Variants in SLC24A2 observed in about 807,000 individuals in gnomAD.
SLC24A2 encodes solute carrier family 24 member 2.
In SLC24A2, 36 loss-of-function variants were observed where a neutral mutation model predicts 62.0. The observed-to-expected ratio is 0.58, with a 90% CI of 0.44 to 0.77. The LOEUF (loss-of-function observed/expected upper bound fraction) is 0.77, where lower values mean the gene tolerates loss of function less well. Among genes scored for constraint, SLC24A2 ranks in the 30% least tolerant of loss-of-function variants. The pLI, the probability that SLC24A2 is intolerant of heterozygous loss-of-function variation, is 0.00. For missense variants in SLC24A2, 846 were observed against 817.9 expected, an observed-to-expected ratio of 1.03 and a Z score of -0.42; for synonymous variants, 358 against 294.0, an observed-to-expected ratio of 1.22 and a Z score of -2.23.
the SLC24A2 span, among the ~76,000 whole-genome samples, chr9:20,117,606 C>G: frequency 6.6e-5 from 10 of 152,104 alleles, no homozygotes; most frequent in African/African-American, 2.4e-4. Context: ...TAACAAAGTA[C>G]TTATTATGTT....
chr9:20,072,032 G>A, the SLC24A2 span, among the ~76,000 whole-genome samples: 7 of 152,214 alleles, frequency 4.6e-5, no homozygotes, highest in South Asian at 1.2e-3. Flanking sequence ...GGCTTAGGGT[G>A]TGCCACCCTC....
the SLC24A2 span, among the ~76,000 whole-genome samples, chr9:20,047,914 A>G: frequency 6.6e-6 from 1 of 151,990 alleles, no homozygotes; most frequent in Non-Finnish European, 1.5e-5. Flanking sequence ...TTAGTAGTAG[A>G]TAGATAATAG....
the SLC24A2 span, among the ~76,000 whole-genome samples, chr9:20,259,080 A>G: frequency 1.3e-5 from 2 of 152,258 alleles, no homozygotes; most frequent in South Asian, 2.1e-4. Flanking sequence ...GAGATGCAAC[A>G]TTGCTGGCTT....
chr9:20,101,236 G>C, the SLC24A2 span, among the ~76,000 whole-genome samples: 6 of 152,188 alleles, frequency 3.9e-5, no homozygotes, highest in Non-Finnish European at 8.8e-5. Flanking sequence ...CGATGCCCTG[G>C]GCAGGCAGAG....
At chr9:20,091,408 T>A in the SLC24A2 span, among the ~76,000 whole-genome samples, 3 of 151,958 alleles carry the variant, frequency 2.0e-5, no homozygotes, top group African/African-American at 7.3e-5. Flanking sequence ...TATAATCAGA[T>A]TTTCCAAGGC....
At chr9:19,516,445 G>C (rs578065355) in intron 10 of SLC24A2, 43 bp from the exon 11 acceptor site, 3 of 1,608,720 alleles carry the variant, frequency 1.9e-6, no homozygotes, top group East Asian at 4.5e-5. Flanking sequence ...GGGAAGACAA[G>C]GGAGTAGTCA....
the SLC24A2 span, among the ~76,000 whole-genome samples, chr9:20,291,208 G>C: frequency 1.3e-5 from 2 of 152,066 alleles, no homozygotes; most frequent in African/African-American, 4.8e-5. Flanking sequence ...ATATGGACGT[G>C]GAAAACACAG....
At chr9:20,069,517 G>A in the SLC24A2 span, among the ~76,000 whole-genome samples, 2 of 152,136 alleles carry the variant, frequency 1.3e-5, no homozygotes, top group East Asian at 3.9e-4. Context: ...TTACAATGCA[G>A]GTCAACAAAC....
At chr9:19,519,871 G>A (rs973539075) in intron 10 of SLC24A2, among the ~76,000 whole-genome samples, 7 of 151,722 alleles carry the variant, frequency 4.6e-5, no homozygotes, top group African/African-American at 1.7e-4. Context: ...TCACAGCAGA[G>A]TTTTATGCAC....
rs1321510610 is a variant in SLC24A2 at position 19,647,072 on chromosome 9, A to G, written c.931-24773T>C. On this transcript the variant is annotated intron_variant, in intron 2 of 10. Coordinates refer to ENST00000341998, the MANE Select transcript of SLC24A2 (RefSeq NM_020344.4). Reference sequence around the variant, plus strand: ...TCCACACACACACACACGCGCGCACACACACACACACACACACACACACAC... The same window carrying G: ...TCCACACACACACACACGCGCGCACGCACACACACACACACACACACACAC... Among the ~76,000 whole-genome samples, 257 of 105,628 alleles carry G rather than the reference A, an allele frequency of 2.4e-3. 4 individuals are homozygous for G. The highest frequency in any genetic ancestry group is 4.2e-3 in the Non-Finnish European group (171 of 40,786). The allele number at this position is 105,628 out of a possible 152,430, so 69.3% of individuals were successfully genotyped here. A position where few individuals can be genotyped will look rare whatever the true frequency, so the allele number is the denominator to read the frequency against.
At chr9:20,046,882 C>T in the SLC24A2 span, among the ~76,000 whole-genome samples, 1 of 152,026 alleles carries the variant, frequency 6.6e-6, no homozygotes, top group Non-Finnish European at 1.5e-5. Flanking sequence ...CCAGGTACTG[C>T]TTCTTTCTAT....
At chr9:19,764,431 G>C (rs550421449) in intron 2 of SLC24A2, among the ~76,000 whole-genome samples, 2 of 152,236 alleles carry the variant, frequency 1.3e-5, no homozygotes, top group East Asian at 3.9e-4. Flanking sequence ...TTTCTCCTGT[G>C]GGCATTTAGT....
intron 2 of SLC24A2, among the ~76,000 whole-genome samples, chr9:19,718,290 T>G (rs1820920794): frequency 8.3e-6 from 1 of 120,148 alleles, no homozygotes; most frequent in African/African-American, 3.3e-5. Context: ...AACACTTTTT[T>G]TTTTTTTTTT....
the SLC24A2 span, among the ~76,000 whole-genome samples, chr9:19,870,332 T>C: frequency 2.0e-5 from 3 of 152,212 alleles, no homozygotes; most frequent in African/African-American, 7.2e-5. Flanking sequence ...TCATCCATGT[T>C]ATAGCATGTA....
At chr9:19,649,467 G>A (rs903237691) in intron 2 of SLC24A2, among the ~76,000 whole-genome samples, 4 of 152,192 alleles carry the variant, frequency 2.6e-5, no homozygotes, top group Admixed American at 2.0e-4. Context: ...ATATGTTCAT[G>A]ATAGGGGTGG....
the SLC24A2 span, among the ~76,000 whole-genome samples, chr9:20,067,370 G>A: frequency 2.0e-5 from 3 of 152,150 alleles, no homozygotes; most frequent in African/African-American, 7.2e-5. Flanking sequence ...TTCATATTCT[G>A]TGGTGACCAT....
the SLC24A2 span, among the ~76,000 whole-genome samples, chr9:19,911,240 C>T: frequency 6.6e-6 from 1 of 152,066 alleles, no homozygotes; most frequent in Non-Finnish European, 1.5e-5. Flanking sequence ...CTACAAAGGA[C>T]ATGAACTCAT....
intron 2 of SLC24A2, among the ~76,000 whole-genome samples, chr9:19,724,883 A>C (rs368853964): frequency 1.1e-4 from 17 of 152,324 alleles, no homozygotes; most frequent in African/African-American, 3.8e-4. Flanking sequence ...AGGGAGACTA[A>C]TAAGCAAACT....
At chr9:20,039,977 G>A in the SLC24A2 span, among the ~76,000 whole-genome samples, 60 of 152,120 alleles carry the variant, frequency 3.9e-4, no homozygotes, top group African/African-American at 1.3e-3. Flanking sequence ...CATCTTTTCC[G>A]TTTCCCAGCT....
Sources: allele counts gnomAD v4.1 joint callset (sites outside exome capture counted in the v4.1 genomes callset), GRCh38; gene constraint gnomAD v4.1.1; transcripts MANE v1.5; gene names NCBI Gene and HGNC (gene_info 2026-07-23, HGNC 2026-07-21).